The following ERCC1 variants were observed in gnomAD, a reference collection of about 807,000 sequenced individuals.
ERCC1 encodes the protein DNA excision repair protein ERCC-1.
Under a neutral mutation model 37.6 loss-of-function variants are expected in ERCC1, and 36 were observed. That is an observed-to-expected ratio of 0.96 (90% CI 0.73 to 1.26). The LOEUF (loss-of-function observed/expected upper bound fraction) is 1.26, where lower values mean the gene tolerates loss of function less well. Ranked by LOEUF, ERCC1 falls within the 50% of genes most tolerant of loss-of-function variation. The probability of loss-of-function intolerance (pLI) is 0.00; values close to 1 mark genes in which losing one functional copy is unlikely to be tolerated. For synonymous variants in ERCC1, 156 were observed against 162.1 expected, an observed-to-expected ratio of 0.96 and a Z score of 0.28; for missense variants, 349 against 376.5, an observed-to-expected ratio of 0.93 and a Z score of 0.60.
At chr19:45,413,877 AG>A in intron 8 of ERCC1, 85 bp downstream of exon 8, 1 of 1,569,080 alleles carries the variant, frequency 6.4e-7, no homozygotes, top group Non-Finnish European at 8.8e-7. Flanking sequence ...AGGGGTGGGC[AG>A]GGAGATGGAA....
intron 1 of ERCC1, among the ~76,000 whole-genome samples, chr19:45,436,431 C>T (rs1364582759): frequency 1.3e-5 from 2 of 151,966 alleles, no homozygotes; most frequent in Non-Finnish European, 2.9e-5. Flanking sequence ...TCGAGACTAT[C>T]CTGGTCAACA....
chr19:45,441,671 A>T (rs1337583636), intron 1 of ERCC1, among the ~76,000 whole-genome samples: 2 of 148,884 alleles, frequency 1.3e-5, no homozygotes, highest in African/African-American at 4.9e-5. Context: ...CACTGCGTCC[A>T]GCCTAATTTT....
intron 1 of ERCC1, among the ~76,000 whole-genome samples, chr19:45,450,257 G>A (rs779153534): frequency 2.6e-5 from 4 of 152,168 alleles, no homozygotes; most frequent in Non-Finnish European, 5.9e-5. Context: ...ATGCACACGT[G>A]CAATCAATAT....
At chr19:45,433,331 G>T (rs1175642831) in intron 1 of ERCC1, among the ~76,000 whole-genome samples, 1 of 152,050 alleles carries the variant, frequency 6.6e-6, no homozygotes, top group Non-Finnish European at 1.5e-5. Flanking sequence ...TTCAAGACCA[G>T]CCTGGGCAAC....
At chr19:45,423,513 G>C in intron 1 of ERCC1, 132 bp from the exon 2 acceptor site, 1 of 1,470,620 alleles carries the variant, frequency 6.8e-7, no homozygotes, top group Non-Finnish European at 9.0e-7. Flanking sequence ...CCAACACCCA[G>C]CGCTAGAGGC....
At chr19:45,442,307 C>A (rs10415224) in intron 1 of ERCC1, among the ~76,000 whole-genome samples, 257 of 144,772 alleles carry the variant, frequency 1.8e-3, no homozygotes, top group Non-Finnish European at 2.5e-3. Flanking sequence ...GCAACAGAGA[C>A]CCTGTCTCAA....
At chr19:45,444,442 G>C (rs1205569444) in intron 1 of ERCC1, among the ~76,000 whole-genome samples, 2 of 151,924 alleles carry the variant, frequency 1.3e-5, no homozygotes, top group Non-Finnish European at 2.9e-5. Flanking sequence ...TGGTCTCCAG[G>C]CAACAGGCCC....
intron 1 of ERCC1, among the ~76,000 whole-genome samples, chr19:45,444,543 G>T (rs1160193974): frequency 6.6e-6 from 1 of 152,184 alleles, no homozygotes; most frequent in Admixed American, 6.5e-5. Context: ...CAAACCCTCG[G>T]CCTTGGCCCC....
At chr19:45,450,895 C>A (rs953330321) in intron 1 of ERCC1, among the ~76,000 whole-genome samples, 4 of 88,636 alleles carry the variant, frequency 4.5e-5, no homozygotes, top group Non-Finnish European at 1.1e-4. Context: ...CCGCCCCCCC[C>A]CCCCCCCCCC....
chr19:45,414,043 G>C lies in ERCC1; in HGVS notation c.703-9C>G, dbSNP rs771007496. 20 of 1,611,134 alleles carry C rather than the reference G, an allele frequency of 1.2e-5. No individual in the cohort carries two copies. The highest frequency in any genetic ancestry group is 1.7e-5 in the Non-Finnish European group (20 of 1,179,062). On this transcript the variant is annotated splice_polypyrimidine_tract_variant and intron_variant, in intron 7 of 9. Transcript: ENST00000300853. ...GTCAGACATTCAGTCACCTGGAAAG[G>C]GTGGAGGCAGGAGTGTGTCGGAAGA...
chr19:45,409,897 T>TATTA lies in ERCC1; in HGVS notation c.844-173_844-172insTAAT, dbSNP rs59818252. ...TTTAAGTTATTATTATTATTATTAT[T>TATTA]TTTTTTTTTTTTGAGATGGAGTCTC... On this transcript the variant is annotated intron_variant, in intron 9 of 9. Transcript: ENST00000300853. 4,202 of 235,706 alleles carry TATTA rather than the reference T, an allele frequency of 0.018. 97 individuals carry two copies. Among genetic ancestry groups the TATTA allele is most frequent in the African/African-American group, 0.08 (2,537 of 31,630 alleles). 14.6% of individuals were successfully genotyped at this position (235,706 alleles called of 1,614,324 possible). A position where few individuals can be genotyped will look rare whatever the true frequency, so the allele number is the denominator to read the frequency against.
chr19:45,428,281 T>TG (rs199520174), upstream of ERCC1, among the ~76,000 whole-genome samples: 148 of 18,006 alleles, frequency 8.2e-3, 1 homozygote, highest in African/African-American at 0.034. Context: ...GGCGTGGGGG[T>TG]GGGGGGGTGG....
In ERCC1 at chr19:45,420,462, G is replaced by A. The variant is rs748160019; in HGVS notation, c.322-35C>T. 1 of 1,401,386 alleles carries A rather than the reference G, an allele frequency of 7.1e-7. No homozygotes were observed. The highest frequency in any genetic ancestry group is 1.2e-5 in the South Asian group (1 of 85,032). The allele number at this position is 1,401,386 out of a possible 1,614,324, so 86.8% of individuals were successfully genotyped here. A position where few individuals can be genotyped will look rare whatever the true frequency, so the allele number is the denominator to read the frequency against. On this transcript the variant is annotated intron_variant, in intron 3 of 9. Coordinates refer to ENST00000300853, the MANE Select transcript of ERCC1 (RefSeq NM_001983.4). This position sits in a 1 kb window ranked among gnomAD's most constrained non-coding sequence, Gnocchi z 4.8. The stretch of plus-strand genomic sequence containing the variant: ...GACGAAGGGCAGAAGCCATCAATAG[G>A]GATGACCCTTGATAACCACAGGGCC...
chr19:45,445,660 G>A (rs1054025060), intron 1 of ERCC1, among the ~76,000 whole-genome samples: 14 of 152,232 alleles, frequency 9.2e-5, no homozygotes, highest in Admixed American at 2.0e-4. Context: ...TGCAAAGGGT[G>A]TAAGGTGAAG....
At chr19:45,444,342 C>A (rs904711271) in intron 1 of ERCC1, among the ~76,000 whole-genome samples, 1 of 149,790 alleles carries the variant, frequency 6.7e-6, no homozygotes, top group Non-Finnish European at 1.5e-5. Context: ...CCGGCCCGCG[C>A]CCCTCCCGGG....
At chr19:45,431,175 C>T (rs902037296) in intron 1 of ERCC1, among the ~76,000 whole-genome samples, 16 of 152,272 alleles carry the variant, frequency 1.1e-4, no homozygotes, top group African/African-American at 3.9e-4. Flanking sequence ...GTGCAGTTTC[C>T]ATGATATTGC....
chr19:45,428,847 G>A (rs1266710897), upstream of ERCC1: 2 of 152,126 alleles, frequency 1.3e-5, no homozygotes, highest in Non-Finnish European at 2.9e-5. Flanking sequence ...CGGGGACGCA[G>A]GGGGGCCCGA....
At chr19:45,423,620 T>C in intron 1 of ERCC1, 161 bp downstream of exon 1, 1 of 1,371,660 alleles carries the variant, frequency 7.3e-7, no homozygotes, top group Non-Finnish European at 9.5e-7. Context: ...CCCACCGGAT[T>C]CTATTGGCTC....
intron 1 of ERCC1, 70 bp downstream of exon 1, chr19:45,423,711 C>A (rs1974585910): frequency 4.1e-5 from 49 of 1,202,650 alleles, no homozygotes; most frequent in Non-Finnish European, 4.9e-5. Flanking sequence ...TGGCCTTGTC[C>A]ATCTCTCAGA....
Sources: gnomAD v4.1 joint callset for allele counts (sites outside exome capture counted in the v4.1 genomes callset) on GRCh38, gnomAD v4.1.1 for gene constraint, Gnocchi (gnomAD v3.1) non-coding constraint, MANE v1.5 for transcripts, NCBI Gene and HGNC (gene_info 2026-07-23, HGNC 2026-07-21) for gene names.